GATAD2B: variants seen among roughly 807,000 people sequenced by gnomAD.
GATAD2B encodes the protein transcriptional repressor p66-beta.
In GATAD2B, 8 loss-of-function variants were observed where a neutral mutation model predicts 64.3. That is an observed-to-expected ratio of 0.12 (90% CI 0.07 to 0.22). The LOEUF (loss-of-function observed/expected upper bound fraction) is 0.22. GATAD2B is among the 10% of genes least tolerant of loss of function. The pLI is 1.00. For synonymous variants in GATAD2B, 281 were observed against 271.3 expected (o/e 1.04, Z -0.35); for missense variants, 453 against 752.0 (o/e 0.60, Z 4.65).
chr1:153,912,484 C>T (rs753458770), intron 1 of GATAD2B, among the ~76,000 whole-genome samples: 5 of 152,156 alleles, frequency 3.3e-5, no homozygotes, highest in Non-Finnish European at 7.3e-5. Context: ...AACTGTAGTG[C>T]ACAGAAAGAA....
intron 1 of GATAD2B, among the ~76,000 whole-genome samples, chr1:153,859,018 T>C (rs1445669838): frequency 1.3e-5 from 2 of 152,056 alleles, no homozygotes; most frequent in African/African-American, 2.4e-5. Flanking sequence ...GGATAGCATT[T>C]AGCCTGTGCA....
intron 1 of GATAD2B, among the ~76,000 whole-genome samples, chr1:153,832,671 T>G (rs1270542177): frequency 6.6e-6 from 1 of 152,200 alleles, no homozygotes; most frequent in Non-Finnish European, 1.5e-5. Flanking sequence ...TATTTTAGAT[T>G]TAAGGGATAC....
At chr1:153,861,768 C>T (rs1304055891) in intron 1 of GATAD2B, among the ~76,000 whole-genome samples, 6 of 101,084 alleles carry the variant, frequency 5.9e-5, no homozygotes, top group African/African-American at 1.8e-4. Context: ...GGCAACAGAG[C>T]GAGACTCCAT....
At chr1:153,826,047 A>G (rs1230799426) in intron 2 of GATAD2B, among the ~76,000 whole-genome samples, 1 of 150,732 alleles carries the variant, frequency 6.6e-6, no homozygotes, top group Non-Finnish European at 1.5e-5. Flanking sequence ...TCTGTCGCCC[A>G]GGCTGGAGTG....
intron 1 of GATAD2B, among the ~76,000 whole-genome samples, chr1:153,881,808 CGT>C (rs986634712): frequency 6.7e-5 from 10 of 149,948 alleles, no homozygotes; most frequent in African/African-American, 2.5e-4. Flanking sequence ...TGTGGAGGGT[CGT>C]GTGTGTGTGG....
At position 153,846,925 on chromosome 1, in the gene GATAD2B, T is replaced by G. The variant is rs192262446; in HGVS notation, c.-1-18577A>C. The stretch of plus-strand genomic sequence containing the variant: ...ATTTCAGTCCTATCTCATTTTTAGT[T>G]CCAACGAATTAGTCATGATTAGTGT... On this transcript the variant is annotated intron_variant, in intron 1 of 10. Coordinates refer to ENST00000368655, the MANE Select transcript of GATAD2B (RefSeq NM_020699.4). Among the ~76,000 whole-genome samples, 4 of 152,254 alleles carry G rather than the reference T, an allele frequency of 2.6e-5. No homozygotes were observed. The East Asian group carries it at 7.7e-4, about 29-fold the overall frequency.
intron 1 of GATAD2B, among the ~76,000 whole-genome samples, chr1:153,894,916 T>TG (rs1296276020): frequency 6.6e-6 from 1 of 151,796 alleles, no homozygotes; most frequent in Non-Finnish European, 1.5e-5. Context: ...CCCAGCACTT[T>TG]GGGGGGCCAA....
At chr1:153,912,526 C>G (rs1214128192) in intron 1 of GATAD2B, among the ~76,000 whole-genome samples, 2 of 152,190 alleles carry the variant, frequency 1.3e-5, no homozygotes, top group African/African-American at 4.8e-5. Context: ...TTTCACAGAA[C>G]CTAACGGTGC....
chr1:153,908,757 C>T (rs1442396255), intron 1 of GATAD2B, among the ~76,000 whole-genome samples: 1 of 145,892 alleles, frequency 6.9e-6, no homozygotes, highest in African/African-American at 2.6e-5. Flanking sequence ...TGTGAGCCAC[C>T]GCACCTGGCC....
intron 1 of GATAD2B, among the ~76,000 whole-genome samples, chr1:153,883,547 C>A (rs1677068201): frequency 6.6e-6 from 1 of 152,214 alleles, no homozygotes. Flanking sequence ...TATTTCTTCT[C>A]ATTCATCACA....
chr1:153,907,490 T>C (rs549167138), intron 1 of GATAD2B, among the ~76,000 whole-genome samples: 1 of 152,274 alleles, frequency 6.6e-6, no homozygotes, highest in Admixed American at 6.5e-5. Context: ...TGCCAGGAAC[T>C]GCGGAGAGGG....
At position 153,853,985 on chromosome 1, in the gene GATAD2B, T is replaced by C. The variant is rs976199730; in HGVS notation, c.-1-25637A>G. The stretch of plus-strand genomic sequence containing the variant: ...AAGTTTCCTTGTTTCCTCAAACTAG[T>C]AGATGGAATTTTCTGTGGTCCCTTC... On this transcript the variant is annotated intron_variant, in intron 1 of 10. Transcript: ENST00000368655. Among the ~76,000 whole-genome samples, 33 of 152,182 alleles carry C rather than the reference T, an allele frequency of 2.2e-4. 1 individual carries two copies. Among genetic ancestry groups the C allele is most frequent in the African/African-American group, 8.0e-4 (33 of 41,438 alleles).
At chr1:153,893,226 T>C (rs1347013199) in intron 1 of GATAD2B, among the ~76,000 whole-genome samples, 1 of 152,142 alleles carries the variant, frequency 6.6e-6, no homozygotes, top group African/African-American at 2.4e-5. Context: ...GACATAAAGA[T>C]TTGTCAAAAT....
chr1:153,820,267 T>C (rs1674632295), intron 2 of GATAD2B, among the ~76,000 whole-genome samples: 1 of 152,150 alleles, frequency 6.6e-6, no homozygotes, highest in Admixed American at 6.6e-5. Context: ...TTGCATCTAC[T>C]TACCAGAGTT....
intron 1 of GATAD2B, chr1:153,852,283 G>T (rs1170429843): frequency 8.5e-7 from 1 of 1,177,492 alleles, no homozygotes; most frequent in Non-Finnish European, 1.3e-6. Flanking sequence ...TTCTGCAGCT[G>T]CCCCTTGCTA....
intron 1 of GATAD2B, among the ~76,000 whole-genome samples, chr1:153,912,778 C>G (rs2101969627): frequency 6.6e-6 from 1 of 152,248 alleles, no homozygotes. Flanking sequence ...GAACATCATT[C>G]AGATAACCTT....
intron 1 of GATAD2B, among the ~76,000 whole-genome samples, chr1:153,862,111 T>C (rs2101921480): frequency 6.8e-6 from 1 of 146,562 alleles, no homozygotes; most frequent in East Asian, 2.0e-4. Context: ...TTTACATACA[T>C]TATATCCTTT....
intron 1 of GATAD2B, among the ~76,000 whole-genome samples, chr1:153,922,483 G>C (rs959676848): frequency 1.1e-4 from 17 of 149,112 alleles, no homozygotes; most frequent in Admixed American, 1.3e-4. Flanking sequence ...GCGCGCCAAG[G>C]GGGGAGAGGA....
At chr1:153,900,091 C>T (rs1230888498) in intron 1 of GATAD2B, among the ~76,000 whole-genome samples, 1 of 152,046 alleles carries the variant, frequency 6.6e-6, no homozygotes, top group Non-Finnish European at 1.5e-5. Context: ...CAATGAGCTG[C>T]AAATGTCATA....
Sources: gnomAD v4.1 joint callset for allele counts (sites outside exome capture counted in the v4.1 genomes callset) on GRCh38, gnomAD v4.1.1 for gene constraint, MANE v1.5 for transcripts, NCBI Gene and HGNC (gene_info 2026-07-23, HGNC 2026-07-21) for gene names.